The following RNF213 variants were observed in gnomAD, a reference collection of about 807,000 sequenced individuals.
The protein encoded by RNF213 is E3 ubiquitin-protein ligase RNF213.
In RNF213, 341 loss-of-function variants were observed where a neutral mutation model predicts 514.4. The ratio of observed to expected loss-of-function variants is 0.66; its 90% CI spans 0.61 to 0.73. The LOEUF (loss-of-function observed/expected upper bound fraction) is 0.73. Among genes scored for constraint, RNF213 ranks in the 30% least tolerant of loss-of-function variants. RNF213 has a pLI of 0.00. For synonymous variants in RNF213, 2,655 were observed against 2,658.2 expected, an observed-to-expected ratio of 1.00 and a Z score of 0.04; for missense variants, 5,767 against 6,615.6, an observed-to-expected ratio of 0.87 and a Z score of 4.45.
chr17:80,389,359 G>A lies in RNF213; in HGVS notation c.15187G>A (p.Val5063Met), dbSNP rs1463871052. The A allele has an allele frequency of 5.0e-6, 8 of 1,613,910 alleles. No homozygotes were observed. The highest frequency in any genetic ancestry group is 2.7e-5 in the African/African-American group (2 of 74,930). The change falls in exon 65 of 68, where the codon GTG becomes ATG. Residue 5063 changes from valine (V) to methionine (M), a missense_variant. Val to Met is a conservative substitution (Grantham distance 21). Around this residue, in one of 13 missense-constraint regions of RNF213, gnomAD observed 1,245 missense variants for 1,339.0 expected, o/e 0.93. Transcript: ENST00000582970. ...ILQMGDQTIH[V>M]LKALNRCQLK... is the part of the protein sequence containing the mutation. ...GCAAATGGGTGATCAGACGATTCAC[G>A]TGTTAAAGGTGGGTCTCACACCGAA...
chr17:80,359,017 G>A (rs564798995), intron 37 of RNF213, among the ~76,000 whole-genome samples: 30 of 152,298 alleles, frequency 2.0e-4, no homozygotes, highest in Non-Finnish European at 3.7e-4. Flanking sequence ...CCAGCATGGC[G>A]TGACACGGAG....
intron 38 of RNF213, chr17:80,360,491 T>C (rs8067940): frequency 0.023 from 10,198 of 446,084 alleles, 864 homozygotes; most frequent in African/African-American, 0.19. Flanking sequence ...TATGGCGAAA[T>C]GGGGTGTGTT....
chr17:80,338,332 C>T (rs939540996), intron 25 of RNF213, among the ~76,000 whole-genome samples: 2 of 152,198 alleles, frequency 1.3e-5, no homozygotes, highest in African/African-American at 4.8e-5. Context: ...CTTGAATTGC[C>T]TCTCTCACTC....
intron 30 of RNF213, 143 bp downstream of exon 30, chr17:80,350,049 A>G: frequency 2.0e-6 from 2 of 978,794 alleles, no homozygotes; most frequent in South Asian, 2.7e-5. Context: ...CTCTCCCAGC[A>G]TCCCTCTCAT....
intron 58 of RNF213, among the ~76,000 whole-genome samples, chr17:80,383,464 A>G (rs551502934): frequency 6.6e-6 from 1 of 152,334 alleles, no homozygotes; most frequent in South Asian, 2.1e-4. Flanking sequence ...AGAGAAATAT[A>G]GGTTTCTGAA....
At chr17:80,290,831 A>G (rs1395393875) in intron 7 of RNF213, 103 bp downstream of exon 7, 16 of 1,312,906 alleles carry the variant, frequency 1.2e-5, no homozygotes, top group Non-Finnish European at 1.6e-5. Context: ...TTTTTCTGAG[A>G]CGGAGTCTTG....
chr17:80,332,724 G>T, intron 21 of RNF213, 93 bp downstream of exon 21: 1 of 1,388,956 alleles, frequency 7.2e-7, no homozygotes, highest in East Asian at 2.5e-5. Flanking sequence ...GAAAAGGGGG[G>T]CGGATGACTT....
rs144719362 is a variant in RNF213 at position 80,369,524 on chromosome 17, C to G, written c.12178C>G (p.Arg4060Gly). ...AHREAIEKHA[R>G]FRQMCNSFFV... ...AAGGGAAGCCATTGAAAAGCATGCC[C>G]GCTTCCGGCAGATGTGCAACAGTTT... The change falls in exon 45 of 68, where the codon CGC (arginine) becomes GGC (glycine). Residue 4060 changes from arginine (R) to glycine (G), a missense_variant. This residue lies in a region of RNF213 where 93 missense variants were observed against 95.6 expected (regional missense o/e 0.97). Coordinates refer to ENST00000582970, the MANE Select transcript of RNF213 (RefSeq NM_001256071.3). The G allele has an allele frequency of 1.2e-6, 2 of 1,613,814 alleles. No individual in the cohort carries two copies. The highest frequency in any genetic ancestry group is 8.5e-7 in the Non-Finnish European group (1 of 1,180,036).
intron 18 of RNF213, among the ~76,000 whole-genome samples, chr17:80,327,369 G>A (rs575427186): frequency 2.0e-5 from 3 of 152,136 alleles, no homozygotes; most frequent in African/African-American, 4.8e-5. Context: ...GCATGGTGCT[G>A]TGCACCTGTG....
At chr17:80,331,947 A>G in intron 20 of RNF213, 59 bp from the exon 21 acceptor site, 12 of 1,495,476 alleles carry the variant, frequency 8.0e-6, no homozygotes, top group Non-Finnish European at 1.1e-5. Context: ...AGGAAAGTGA[A>G]ATAAAATGGA....
chr17:80,319,747 A>T, intron 17 of RNF213: 1 of 1,349,184 alleles, frequency 7.4e-7, no homozygotes, highest in East Asian at 3.1e-5. Context: ...CAATTTATTT[A>T]GCTCTTTTCG....
chr17:80,377,100 G>A lies in RNF213; in HGVS notation c.13510+137G>A. On this transcript the variant is annotated intron_variant, in intron 53 of 67. Coordinates refer to ENST00000582970, the MANE Select transcript of RNF213 (RefSeq NM_001256071.3). This position sits in a 1 kb window ranked among gnomAD's most constrained non-coding sequence, Gnocchi z 4.1. ...CAAAACCACCTGCATTCTACCGGTG[G>A]CGTCTGCAGAAGACGAATGGCTTGA... 1 of 700,460 alleles carries A rather than the reference G, an allele frequency of 1.4e-6. No individual in the cohort carries two copies. 43.4% of individuals were successfully genotyped at this position (700,460 alleles called of 1,614,324 possible). A position where few individuals can be genotyped will look rare whatever the true frequency, so the allele number is the denominator to read the frequency against.
At chr17:80,270,456 C>T (rs1444139627) in intron 2 of RNF213, among the ~76,000 whole-genome samples, 14 of 152,224 alleles carry the variant, frequency 9.2e-5, no homozygotes, top group Admixed American at 9.2e-4. Flanking sequence ...CTTCTCTGGC[C>T]ACTCACTGGC....
At position 80,277,254 on chromosome 17, in the gene RNF213, G is replaced by C. The variant is rs993709388; in HGVS notation, c.261+3850G>C. Among the ~76,000 whole-genome samples, 3 of 152,126 alleles carry C rather than the reference G, an allele frequency of 2.0e-5. No homozygotes were observed. The East Asian group carries it at 5.8e-4, about 29-fold the overall frequency. On this transcript the variant is annotated intron_variant, in intron 3 of 67. Coordinates refer to ENST00000582970, the MANE Select transcript of RNF213 (RefSeq NM_001256071.3). ...ACAGATTAGTGGTTGGCTGGGAGGA[G>C]TGGGGAGGAGGGAGTCATTGCTGTG...
chr17:80,381,805 AC>A, intron 57 of RNF213, 78 bp downstream of exon 57: 1 of 1,291,548 alleles, frequency 7.7e-7, no homozygotes, highest in Non-Finnish European at 1.1e-6. Context: ...CTTGTGGGCC[AC>A]CCCACACACA....
In RNF213 at chr17:80,325,064, C is replaced by T; in HGVS notation, c.3059C>T (p.Ser1020Phe). 1 of 1,537,156 alleles carries T rather than the reference C, an allele frequency of 6.5e-7. No homozygotes were observed. Among genetic ancestry groups the T allele is most frequent in the South Asian group, 1.2e-5 (1 of 84,054 alleles). Residue 1020 changes from serine (S) to phenylalanine (F), a missense_variant, in exon 18 of 68, where the codon TCT becomes TTT. Transcript: ENST00000582970. ...QTSILQGFSYSDLRKFGIVLS... is the reference protein window; with the variant it reads ...QTSILQGFSYFDLRKFGIVLS... ...AGTATCCTTCAGGGGTTCTCTTACT[C>T]TGATTTGCGGAAATTTGGCATCGTC...
Position 80,376,970 on chromosome 17 carries a change from G to T in RNF213, c.13510+7G>T. 6.2e-7 allele frequency: 1 copy of T among 1,610,466 alleles called. No homozygotes were observed. The highest frequency in any genetic ancestry group is 8.5e-7 in the Non-Finnish European group (1 of 1,176,980). On this transcript the variant is annotated splice_region_variant and intron_variant, in intron 53 of 67. Transcript: ENST00000582970. ...GAGCGAGTCCACTGGTACAGTAAGT[G>T]TTGGGGTCTAGATGACCCCACACTC...
chr17:80,384,855 G>A, intron 59 of RNF213, 184 bp from the exon 60 acceptor site: 1 of 688,750 alleles, frequency 1.5e-6, no homozygotes, highest in Non-Finnish European at 2.6e-6. Context: ...CTAGCACACT[G>A]CACTGTCTGT....
chr17:80,389,304 G>C lies in RNF213; in HGVS notation c.15132G>C (p.Met5044Ile). ...FLSTAGGDPN[M>I]QLNVYTQDIL... ...GCACAGCTGGTGGGGATCCAAACAT[G>C]CAGCTGAATGTGTATACTCAAGACA... Residue 5044 changes from methionine (M) to isoleucine (I), a missense_variant, in exon 65 of 68, where the codon ATG (methionine) becomes ATC (isoleucine). Coordinates refer to ENST00000582970, the MANE Select transcript of RNF213 (RefSeq NM_001256071.3). 1 of 1,614,194 alleles carries C rather than the reference G, an allele frequency of 6.2e-7. No individual in the cohort carries two copies. Among genetic ancestry groups the C allele is most frequent in the Non-Finnish European group, 8.5e-7 (1 of 1,180,016 alleles).
Sources: allele counts gnomAD v4.1 joint callset (sites outside exome capture counted in the v4.1 genomes callset), GRCh38; gene constraint gnomAD v4.1.1; regional missense constraint gnomAD v4.1.1; non-coding constraint Gnocchi (gnomAD v3.1); transcripts MANE v1.5; gene names NCBI Gene and HGNC (gene_info 2026-07-23, HGNC 2026-07-21).